DNAH2: variants seen among roughly 807,000 people sequenced by gnomAD.
DNAH2 encodes axonemal beta dynein heavy chain 2.
Under a neutral mutation model 523.5 loss-of-function variants are expected in DNAH2, and 323 were observed. That is an observed-to-expected ratio of 0.62 (90% CI 0.56 to 0.68). DNAH2 has a LOEUF of 0.68. Among genes scored for constraint, DNAH2 ranks in the 30% least tolerant of loss-of-function variants. The probability of loss-of-function intolerance (pLI) is 0.00; values close to 1 mark genes in which losing one functional copy is unlikely to be tolerated. For missense variants in DNAH2, 4,907 were observed against 5,701.5 expected, an observed-to-expected ratio of 0.86 and a Z score of 4.49; for synonymous variants, 2,093 against 2,177.4, an observed-to-expected ratio of 0.96 and a Z score of 1.08.
In DNAH2 at chr17:7,763,859, A is replaced by T; in HGVS notation, c.3007A>T (p.Lys1003Ter). ...RYTEVANNVQKEETVTNIQFV... is the reference protein window; with the variant it reads ...RYTEVANNVQ ...CACGGAAGTTGCTAATAACGTGCAG[A>T]AGGAGGAGACAGTCACCAACATCCA... Residue 1003 changes from lysine to a stop codon, truncating the protein, a stop_gained, in exon 19 of 86, where the codon AAG (lysine) becomes TAG (stop). Coordinates refer to ENST00000572933, the MANE Select transcript of DNAH2 (RefSeq NM_020877.5). LOFTEE classifies it high-confidence loss of function. 6.2e-7 allele frequency: 1 copy of T among 1,614,174 alleles called. No individual in the cohort carries two copies. Among genetic ancestry groups the T allele is most frequent in the South Asian group, 1.1e-5 (1 of 91,082 alleles).
intron 28 of DNAH2, 79 bp from the exon 29 acceptor site, chr17:7,774,680 A>G: frequency 7.7e-7 from 1 of 1,301,312 alleles, no homozygotes; most frequent in Non-Finnish European, 1.1e-6. Context: ...GAGCTGGCAA[A>G]GAACACAGAG....
intron 18 of DNAH2, among the ~76,000 whole-genome samples, chr17:7,761,289 G>A (rs2075997577): frequency 6.6e-6 from 1 of 152,120 alleles, no homozygotes; most frequent in South Asian, 2.1e-4. Context: ...GTTTGAGACA[G>A]GATCTTGCTC....
In DNAH2 at chr17:7,728,456, G is replaced by T. The variant is rs1286034762; in HGVS notation, c.399+1164G>T. On this transcript the variant is annotated intron_variant, in intron 4 of 85. Transcript: ENST00000572933. ...AAGCATTCTGCGTTGAACATGGGCA[G>T]AAGAACTTTTGCCCTGTGCACTGGC... Among the ~76,000 whole-genome samples, 3 of 152,172 alleles carry T rather than the reference G, an allele frequency of 2.0e-5. 1 individual carries two copies. The highest frequency in any genetic ancestry group is 4.4e-5 in the Non-Finnish European group (3 of 68,034).
chr17:7,784,987 C>T (rs1349698426), intron 39 of DNAH2, among the ~76,000 whole-genome samples: 1 of 152,126 alleles, frequency 6.6e-6, no homozygotes, highest in Non-Finnish European at 1.5e-5. Context: ...TAAAGAGATG[C>T]ATTTGAATGC....
At chr17:7,736,873 T>C (rs2075157550) in intron 7 of DNAH2, among the ~76,000 whole-genome samples, 194 bp from the exon 8 acceptor site, 1 of 152,114 alleles carries the variant, frequency 6.6e-6, no homozygotes, top group Non-Finnish European at 1.5e-5. Context: ...TCCCAGCTAC[T>C]TGGGAGGCTG....
Position 7,807,450 on chromosome 17 carries a change from G to A in DNAH2, c.9613-20G>A. The A allele has an allele frequency of 1.9e-6, 3 of 1,612,518 alleles. No homozygotes were observed. Among genetic ancestry groups the A allele is most frequent in the Non-Finnish European group, 2.5e-6 (3 of 1,179,840 alleles). On this transcript the variant is annotated intron_variant, in intron 62 of 85. Transcript: ENST00000572933. The surrounding 1 kb of genome is among the most constrained non-coding windows in gnomAD (Gnocchi z 5.6). Reference sequence around the variant, plus strand: ...GGTGGGTTGGTGGGCGACTCCCACAGCCTGACTGTCTCCCCACAGCTGTAT... The same window carrying A: ...GGTGGGTTGGTGGGCGACTCCCACAACCTGACTGTCTCCCCACAGCTGTAT...
intron 2 of DNAH2, among the ~76,000 whole-genome samples, chr17:7,723,367 G>A (rs553286954): frequency 1.8e-4 from 26 of 145,718 alleles, no homozygotes; most frequent in Admixed American, 1.6e-3. Flanking sequence ...CTGCCTCCTG[G>A]GTTCAGGTGA....
intron 8 of DNAH2, chr17:7,739,082 G>A: frequency 1.5e-6 from 1 of 689,014 alleles, no homozygotes; most frequent in East Asian, 2.7e-5. Flanking sequence ...TCCCACCCCA[G>A]GAACCAGGGC....
Position 7,787,962 on chromosome 17 carries a change from C to A in DNAH2, c.6706C>A (p.Pro2236Thr), listed in dbSNP as rs866896055. ...YTDYADLGWKPYVQSWLEKRP... is the reference protein window; with the variant it reads ...YTDYADLGWKTYVQSWLEKRP... ...TGACTACGCTGACCTGGGCTGGAAG[C>A]CCTATGTTCAGTCATGGCTGGAGAA... The change falls in exon 43 of 86, where the codon CCC (proline) becomes ACC (threonine). Residue 2236 changes from proline (P) to threonine (T), a missense_variant. Physicochemically the swap from Pro to Thr is conservative, Grantham distance 38. Around this residue, in one of 3 missense-constraint regions of DNAH2, gnomAD observed 2,806 missense variants for 3,190.8 expected, o/e 0.88. Coordinates refer to ENST00000572933, the MANE Select transcript of DNAH2 (RefSeq NM_020877.5). The A allele has an allele frequency of 6.2e-7, 1 of 1,614,174 alleles. No individual in the cohort carries two copies.
chr17:7,720,882 G>C (rs1356430554), intron 2 of DNAH2, among the ~76,000 whole-genome samples: 1 of 152,122 alleles, frequency 6.6e-6, no homozygotes, highest in Non-Finnish European at 1.5e-5. Flanking sequence ...AGGGAAGACA[G>C]TGAGGTTCAG....
rs1278714910 is a variant in DNAH2, at chr17:7,816,659, A to G, written c.9818A>G (p.Glu3273Gly). 6.2e-7 allele frequency: 1 copy of G among 1,614,202 alleles called. No homozygotes were observed. Among genetic ancestry groups the G allele is most frequent in the Non-Finnish European group, 8.5e-7 (1 of 1,180,032 alleles). Residue 3273 changes from glutamate to glycine, a missense_variant, in exon 64 of 86, where the codon GAG becomes GGG. Glu to Gly is a moderately conservative substitution (Grantham distance 98). Around this residue, in one of 3 missense-constraint regions of DNAH2, gnomAD observed 1,851 missense variants for 2,139.4 expected, o/e 0.87. Coordinates refer to ENST00000572933, the MANE Select transcript of DNAH2 (RefSeq NM_020877.5). ...EELRKKSEEM[E>G]LKLERAGMLV... ...CTTCGCAAGAAGTCTGAAGAGATGG[A>G]GCTGAAGCTGGAGCGAGCTGGGATG...
At chr17:7,761,117 G>C (rs1188514925) in intron 18 of DNAH2, among the ~76,000 whole-genome samples, 185 bp downstream of exon 18, 1 of 152,184 alleles carries the variant, frequency 6.6e-6, no homozygotes, top group Non-Finnish European at 1.5e-5. Context: ...TCAGGGAAGA[G>C]CTGGACAGGA....
At chr17:7,779,484 T>A in intron 36 of DNAH2, 61 bp downstream of exon 36, 2 of 1,525,266 alleles carry the variant, frequency 1.3e-6, no homozygotes, top group South Asian at 2.4e-5. Flanking sequence ...TCAGGGGAAA[T>A]AACTGCGCAT....
At chr17:7,748,577 C>A (rs2075581002) in intron 12 of DNAH2, among the ~76,000 whole-genome samples, 1 of 152,186 alleles carries the variant, frequency 6.6e-6, no homozygotes, top group Admixed American at 6.5e-5. Context: ...CTCACTGTAG[C>A]CTCCGCCTCC....
rs375991842 is a variant in DNAH2 at position 7,792,377 on chromosome 17, G to A, written c.7145+34G>A. ...TGGGCCTGGGTGTGAGGAGGGCATG[G>A]GGCAGCGGTAGGTGGGGGATGTGGC... On this transcript the variant is annotated intron_variant, in intron 46 of 85. Coordinates refer to ENST00000572933, the MANE Select transcript of DNAH2 (RefSeq NM_020877.5). 2.4e-4 allele frequency: 380 copies of A among 1,604,416 alleles called. No individual in the cohort carries two copies. The Middle Eastern group carries it at 2.5e-3, about 11-fold the overall frequency.
chr17:7,799,356 G>A (rs542735719), intron 56 of DNAH2, 114 bp downstream of exon 56: 140 of 1,418,370 alleles, frequency 9.9e-5, no homozygotes, highest in Non-Finnish European at 1.3e-4. Context: ...TCCTCTGCCC[G>A]CCTCACCCAT....
At chr17:7,792,939 C>T (rs760845630) in intron 47 of DNAH2, 42 bp from the exon 48 acceptor site, 5 of 1,601,154 alleles carry the variant, frequency 3.1e-6, no homozygotes, top group Non-Finnish European at 4.3e-6. Context: ...GCCCGTATTT[C>T]TCTCAGGGGA....
chr17:7,735,189 G>T (rs2075105217), intron 7 of DNAH2, among the ~76,000 whole-genome samples: 2 of 151,788 alleles, frequency 1.3e-5, no homozygotes, highest in African/African-American at 4.8e-5. Flanking sequence ...GGAGTGCAGT[G>T]GTGCGATCTC....
intron 49 of DNAH2, among the ~76,000 whole-genome samples, chr17:7,795,067 T>G (rs1427677159): frequency 6.6e-6 from 1 of 151,878 alleles, no homozygotes. Flanking sequence ...TTATTGATCC[T>G]ATGGAGTGGG....
Sources: gnomAD v4.1 joint callset for allele counts (sites outside exome capture counted in the v4.1 genomes callset) on GRCh38, gnomAD v4.1.1 for gene constraint, gnomAD v4.1.1 regional missense constraint, Gnocchi (gnomAD v3.1) non-coding constraint, MANE v1.5 for transcripts, NCBI Gene and HGNC (gene_info 2026-07-23, HGNC 2026-07-21) for gene names.